The following MYOT variants were observed in gnomAD, a reference collection of about 807,000 sequenced individuals.
MYOT encodes the protein myotilin.
A neutral mutation model predicts 58.0 loss-of-function variants in MYOT; 36 were observed. That is an observed-to-expected ratio of 0.62 (90% confidence interval 0.48 to 0.82). The LOEUF (loss-of-function observed/expected upper bound fraction) is 0.82. MYOT is among the 40% of genes least tolerant of loss of function. MYOT has a pLI of 0.00. For synonymous variants in MYOT, 218 were observed against 204.6 expected (o/e 1.07, Z -0.56); for missense variants, 505 against 592.1 (o/e 0.85, Z 1.53).
At chr5:137,886,015 T>C in intron 7 of MYOT, 33 bp from the exon 8 acceptor site, 12 of 1,401,304 alleles carry the variant, frequency 8.6e-6, no homozygotes, top group Non-Finnish European at 9.0e-6. Context: ...TTTATAATAT[T>C]TCAAATACTT....
At chr5:137,881,014 A>C in intron 5 of MYOT, 149 bp downstream of exon 5, 1 of 612,648 alleles carries the variant, frequency 1.6e-6, no homozygotes, top group Non-Finnish European at 2.9e-6. Flanking sequence ...AGATGACCAA[A>C]ATTTTGACGT....
chr5:137,883,767 C>T, intron 7 of MYOT, 176 bp downstream of exon 7: 1 of 608,214 alleles, frequency 1.6e-6, no homozygotes, highest in Non-Finnish European at 2.9e-6. Flanking sequence ...TATATACACA[C>T]ACATACATAC....
At chr5:137,885,809 A>C (rs2149989582) in intron 7 of MYOT, among the ~76,000 whole-genome samples, 1 of 145,818 alleles carries the variant, frequency 6.9e-6, no homozygotes, top group Non-Finnish European at 1.5e-5. Flanking sequence ...AAAGAATATG[A>C]CTTTAGTTTG....
In MYOT at chr5:137,886,082, C is replaced by G. The variant is rs1755592286; in HGVS notation, c.1059C>G (p.Tyr353Ter). The change falls in exon 8 of 10, where the codon TAC (tyrosine) becomes TAG (stop). Residue 353 changes from tyrosine (Y) to a stop codon, truncating the protein, a stop_gained. Transcript: ENST00000239926. LOFTEE classifies it high-confidence loss of function. ...ATAAAAGAGCACCAATGTTTATCTA[C>G]AAACCACAGAGCAAAAAAGTTTTAG... is the stretch of plus-strand genomic sequence containing the variant. ...KEHKRAPMFI[Y>*]KPQSKKVLEG... 6.2e-7 allele frequency: 1 copy of G among 1,606,174 alleles called. No homozygotes were observed. The highest frequency in any genetic ancestry group is 8.5e-7 in the Non-Finnish European group (1 of 1,173,570).
intron 7 of MYOT, among the ~76,000 whole-genome samples, chr5:137,885,568 T>C (rs1361987396): frequency 6.6e-6 from 1 of 151,798 alleles, no homozygotes; most frequent in Non-Finnish European, 1.5e-5. Flanking sequence ...GGCCAGGAGT[T>C]AGAGATCAGC....
chr5:137,878,940 C>G (rs1211652273), intron 4 of MYOT, among the ~76,000 whole-genome samples: 1 of 152,092 alleles, frequency 6.6e-6, no homozygotes, highest in African/African-American at 2.4e-5. Flanking sequence ...AACTGGGAGC[C>G]AAAGAGATTA....
chr5:137,877,716 G>C, intron 4 of MYOT, 95 bp downstream of exon 4: 1 of 909,184 alleles, frequency 1.1e-6, no homozygotes, highest in Non-Finnish European at 1.8e-6. Context: ...TGAAATAAAA[G>C]TCGGTCAGTT....
chr5:137,886,316 G>A, intron 8 of MYOT, 103 bp downstream of exon 8: 1 of 762,280 alleles, frequency 1.3e-6, no homozygotes. Context: ...AATTTGTCTA[G>A]TTTTTAAAAC....
At chr5:137,880,962 T>C (rs983501027) in intron 5 of MYOT, 97 bp downstream of exon 5, 8 of 889,610 alleles carry the variant, frequency 9.0e-6, no homozygotes, top group African/African-American at 8.5e-5. Context: ...GCCTACTCTA[T>C]ACCTTTTGAA....
At position 137,883,434 on chromosome 5, in the gene MYOT, A is replaced by G. The variant is rs1357143508; in HGVS notation, c.867A>G (p.Thr289=). The G allele has an allele frequency of 1.9e-6, 3 of 1,614,034 alleles. No homozygotes were observed. Among genetic ancestry groups the G allele is most frequent in the East Asian group, 2.2e-5 (1 of 44,890 alleles). The change falls in exon 7 of 10, where the codon ACA becomes ACG. Residue 289 remains threonine (T), a synonymous_variant. Transcript: ENST00000239926. ...PDVSWYLNGR[T]VQSDDLHKMI... ...TGTCATGGTATCTAAATGGAAGAAC[A>G]GTTCAATCAGATGATTTGCACAAAA...
intron 2 of MYOT, 72 bp downstream of exon 2, chr5:137,871,079 T>G (rs1755037712): frequency 1.6e-6 from 2 of 1,283,942 alleles, no homozygotes; most frequent in African/African-American, 1.5e-5. Context: ...GTAGGAGTTT[T>G]GGGGGTATGC....
rs1314761377 is a variant in MYOT, at chr5:137,887,355, A to G, written c.1467A>G (p.Gln489=). 7 of 1,613,926 alleles carry G rather than the reference A, an allele frequency of 4.3e-6. No homozygotes were observed. The highest frequency in any genetic ancestry group is 5.9e-6 in the Non-Finnish European group (7 of 1,179,968). ...PEGEFQRLAA[Q]SGLYESEEL ...GAGAATTTCAGCGTTTGGCAGCTCA[A>G]TCTGGACTCTATGAAAGTGAAGAAC... Residue 489 remains glutamine (Q), a synonymous_variant, in exon 10 of 10, where the codon CAA becomes CAG. Coordinates refer to ENST00000239926, the MANE Select transcript of MYOT (RefSeq NM_006790.3).
chr5:137,886,266 T>C (rs1332259429), intron 8 of MYOT, 53 bp downstream of exon 8: 14 of 1,421,486 alleles, frequency 9.8e-6, no homozygotes, highest in Admixed American at 1.7e-5. Flanking sequence ...AATCCAGTTA[T>C]ACTTTTTAAC....
chr5:137,883,445 A>T lies in MYOT; in HGVS notation c.878A>T (p.Asp293Val), dbSNP rs749819441. The change falls in exon 7 of 10, where the codon GAT (aspartate) becomes GTT (valine). Residue 293 changes from aspartate to valine, a missense_variant. Physicochemically the swap from Asp to Val is radical, Grantham distance 152. Coordinates refer to ENST00000239926, the MANE Select transcript of MYOT (RefSeq NM_006790.3). ...CTAAATGGAAGAACAGTTCAATCAG[A>T]TGATTTGCACAAAATGATAGTGTCT... ...WYLNGRTVQS[D>V]DLHKMIVSEK... 1 of 1,614,132 alleles carries T rather than the reference A, an allele frequency of 6.2e-7. No individual in the cohort carries two copies. Among genetic ancestry groups the T allele is most frequent in the South Asian group, 1.1e-5 (1 of 91,066 alleles).
At chr5:137,870,016 C>T (rs912283520) in intron 1 of MYOT, among the ~76,000 whole-genome samples, 2 of 149,708 alleles carry the variant, frequency 1.3e-5, no homozygotes, top group African/African-American at 4.9e-5. Context: ...CAGCTGGGTG[C>T]GGGGGCTCAT....
At chr5:137,883,357 G>A in intron 6 of MYOT, 27 bp from the exon 7 acceptor site, 1 of 1,581,766 alleles carries the variant, frequency 6.3e-7, no homozygotes, top group Non-Finnish European at 8.7e-7. Flanking sequence ...TTAAAATTCT[G>A]CCATCTCCTT....
At chr5:137,886,762 A>C in intron 8 of MYOT, 102 bp from the exon 9 acceptor site, 2 of 904,910 alleles carry the variant, frequency 2.2e-6, no homozygotes, top group Non-Finnish European at 3.5e-6. Context: ...CAGCTTTGGA[A>C]TTTTCAAATG....
chr5:137,882,146 T>C (rs368832574), intron 6 of MYOT, 41 bp downstream of exon 6: 12 of 1,607,778 alleles, frequency 7.5e-6, no homozygotes, highest in Admixed American at 3.3e-5. Flanking sequence ...AAATTAACAA[T>C]GGGATACTAA....
intron 3 of MYOT, among the ~76,000 whole-genome samples, chr5:137,877,106 C>A (rs967693293): frequency 6.6e-6 from 1 of 151,718 alleles, no homozygotes; most frequent in South Asian, 2.1e-4. Flanking sequence ...CAGTGGCTCA[C>A]GCCTATAATC....
Sources: allele counts gnomAD v4.1 joint callset (sites outside exome capture counted in the v4.1 genomes callset), GRCh38; gene constraint gnomAD v4.1.1; transcripts MANE v1.5; gene names NCBI Gene and HGNC (gene_info 2026-07-23, HGNC 2026-07-21).